Variants in PAMR1 observed in about 807,000 individuals in gnomAD.
PAMR1 encodes the protein peptidase domain containing associated with muscle regeneration 1, also known as inactive serine protease PAMR1.
PAMR1 carries 88 observed loss-of-function variants against 81.8 expected under a neutral mutation model. That is an observed-to-expected ratio of 1.08 (90% CI 0.91 to 1.28). The LOEUF (loss-of-function observed/expected upper bound fraction) is 1.28. Among genes scored for constraint, PAMR1 ranks in the 50% most tolerant of loss-of-function variants. The pLI is 0.00. For missense variants in PAMR1, 935 were observed against 919.7 expected, an observed-to-expected ratio of 1.02 and a Z score of -0.21; for synonymous variants, 336 against 345.3, an observed-to-expected ratio of 0.97 and a Z score of 0.30.
At position 35,436,072 on chromosome 11, in the gene PAMR1, A is replaced by G; in HGVS notation, c.1164T>C (p.Pro388=). 6.2e-7 allele frequency: 1 copy of G among 1,614,144 alleles called. No individual in the cohort carries two copies. Among genetic ancestry groups the G allele is most frequent in the Non-Finnish European group, 8.5e-7 (1 of 1,180,024 alleles). ...AFSKQKLQSA[P]TKKPALPFGD... ...CAAAGGGAAGGGCTGGCTTCTTGGT[A>G]GGGGCACTCTGCAGTTTCTGCTTGC... The change falls in exon 9 of 11, where the codon CCT becomes CCC. Residue 388 remains proline (P), a synonymous_variant. Transcript: ENST00000619888.
chr11:35,457,743 A>G (rs189168549), intron 6 of PAMR1, among the ~76,000 whole-genome samples: 26 of 152,282 alleles, frequency 1.7e-4, no homozygotes, highest in Middle Eastern at 6.8e-3. Context: ...ATTATTATAA[A>G]TGAGAAAGGA....
intron 6 of PAMR1, among the ~76,000 whole-genome samples, chr11:35,446,152 T>C (rs1456431161): frequency 1.3e-5 from 2 of 152,232 alleles, no homozygotes; most frequent in Non-Finnish European, 2.9e-5. Flanking sequence ...GATAATTGTT[T>C]GCATTTTTGG....
At chr11:35,511,514 T>G (rs557231865) in intron 1 of PAMR1, among the ~76,000 whole-genome samples, 1 of 152,340 alleles carries the variant, frequency 6.6e-6, no homozygotes, top group African/African-American at 2.4e-5. Context: ...AGAAAGACAC[T>G]TTTGTCATGT....
rs773452643 is a variant in PAMR1, at chr11:35,435,891, G to T, written c.1333+12C>A. On this transcript the variant is annotated intron_variant, in intron 9 of 10. Transcript: ENST00000619888. ...TGAGCATGCTCAAGCCCAAGAATGA[G>T]CCTTGACTCACTAGGGATGCAGGAT... is the stretch of plus-strand genomic sequence containing the variant. 1.3e-6 allele frequency: 2 copies of T among 1,590,244 alleles called. No homozygotes were observed. Among genetic ancestry groups the T allele is most frequent in the Non-Finnish European group, 1.7e-6 (2 of 1,158,214 alleles).
intron 6 of PAMR1, among the ~76,000 whole-genome samples, chr11:35,449,848 G>T (rs1856375001): frequency 6.6e-6 from 1 of 152,112 alleles, no homozygotes; most frequent in African/African-American, 2.4e-5. Flanking sequence ...GTGGGAGTTT[G>T]CCTTACTCCA....
chr11:35,518,001 G>T (rs923478667), intron 1 of PAMR1, among the ~76,000 whole-genome samples: 1 of 152,104 alleles, frequency 6.6e-6, no homozygotes, highest in African/African-American at 2.4e-5. Context: ...GAATCCATTG[G>T]GTCCATTAGT....
chr11:35,434,015 A>T (rs930696897), intron 10 of PAMR1, among the ~76,000 whole-genome samples: 7 of 152,202 alleles, frequency 4.6e-5, no homozygotes, highest in Non-Finnish European at 1.0e-4. Flanking sequence ...GCCCAAATGT[A>T]ATAGGTGATT....
chr11:35,525,482 C>A, intron 1 of PAMR1, 31 bp downstream of exon 1: 5 of 1,597,614 alleles, frequency 3.1e-6, no homozygotes, highest in Non-Finnish European at 4.3e-6. Flanking sequence ...AGGGTGTCCT[C>A]CTAGGGTGTC....
chr11:35,494,026 G>T, intron 2 of PAMR1, 70 bp downstream of exon 2: 3 of 1,245,802 alleles, frequency 2.4e-6, no homozygotes, highest in Non-Finnish European at 2.3e-6. Flanking sequence ...GAATTCAGGC[G>T]TTCAGCCTGT....
At chr11:35,443,273 G>A (rs933174318) in intron 6 of PAMR1, among the ~76,000 whole-genome samples, 3 of 151,674 alleles carry the variant, frequency 2.0e-5, no homozygotes, top group African/African-American at 7.3e-5. Flanking sequence ...GTAAACGTGT[G>A]CCATGGTGGT....
chr11:35,439,747 A>G (rs1465910017), intron 7 of PAMR1, 54 bp from the exon 8 acceptor site: 1 of 1,472,382 alleles, frequency 6.8e-7, no homozygotes, highest in Non-Finnish European at 9.5e-7. Flanking sequence ...CACTGTTCAT[A>G]TCATTCAGTT....
intron 1 of PAMR1, among the ~76,000 whole-genome samples, chr11:35,512,906 G>A (rs960305663): frequency 3.3e-5 from 5 of 152,114 alleles, no homozygotes; most frequent in Non-Finnish European, 5.9e-5. Flanking sequence ...TGAAAGAATC[G>A]CATGAGCCTG....
chr11:35,462,236 T>C (rs995766281), intron 6 of PAMR1, among the ~76,000 whole-genome samples: 2 of 152,128 alleles, frequency 1.3e-5, no homozygotes, highest in African/African-American at 4.8e-5. Flanking sequence ...CGAATCTAGT[T>C]TCTCCCCATC....
At chr11:35,462,901 A>G (rs1856686977) in intron 6 of PAMR1, among the ~76,000 whole-genome samples, 1 of 152,198 alleles carries the variant, frequency 6.6e-6, no homozygotes, top group Admixed American at 6.5e-5. Context: ...ATGATGGACA[A>G]AGATGCACCT....
intron 1 of PAMR1, among the ~76,000 whole-genome samples, chr11:35,512,599 C>T (rs924888300): frequency 1.3e-5 from 2 of 152,132 alleles, no homozygotes; most frequent in African/African-American, 4.8e-5. Flanking sequence ...CCCAGGTGGC[C>T]TTGGGCGAGT....
rs200076924 is a variant in PAMR1 at position 35,434,668 on chromosome 11, G to A, written c.1470C>T (p.Ser490=). The change falls in exon 10 of 11, where the codon AGC becomes AGT. Residue 490 remains serine, a synonymous_variant. Coordinates refer to ENST00000619888, the MANE Select transcript of PAMR1 (RefSeq NM_001001991.3). ...LHKGAWFLVC[S]GALVNERTVV... is the part of the protein sequence containing the mutation. ...CAGTGCGCTCATTCACCAGGGCACC[G>A]CTGCAGACTAGGAACCACGCTCCCT... 1.2e-5 allele frequency: 20 copies of A among 1,614,124 alleles called. No homozygotes were observed. The highest frequency in any genetic ancestry group is 6.7e-5 in the East Asian group (3 of 44,878).
At chr11:35,485,254 A>C (rs1252039415) in intron 3 of PAMR1, among the ~76,000 whole-genome samples, 1 of 152,196 alleles carries the variant, frequency 6.6e-6, no homozygotes, top group African/African-American at 2.4e-5. Flanking sequence ...GAAACAGAAA[A>C]AAATTAAAAT....
intron 1 of PAMR1, among the ~76,000 whole-genome samples, chr11:35,501,499 T>C (rs12804587): frequency 1.3e-5 from 2 of 152,138 alleles, no homozygotes; most frequent in Non-Finnish European, 2.9e-5. Context: ...ACAAGTACAG[T>C]TGTACAAAAA....
intron 6 of PAMR1, chr11:35,451,739 G>T: frequency 2.0e-6 from 1 of 502,372 alleles, no homozygotes; most frequent in Non-Finnish European, 3.5e-6. Context: ...ATTAGGATGT[G>T]GGGCATTTGG....
Sources: gnomAD v4.1 joint callset for allele counts (sites outside exome capture counted in the v4.1 genomes callset) on GRCh38, gnomAD v4.1.1 for gene constraint, MANE v1.5 for transcripts, NCBI Gene and HGNC (gene_info 2026-07-23, HGNC 2026-07-21) for gene names.